TBC1D30: variants seen among roughly 807,000 people sequenced by gnomAD.
TBC1D30 encodes TBC1 domain family member 30, also known as TBC1 domain family, member 30.
TBC1D30 carries 31 observed loss-of-function variants against 63.2 expected under a neutral mutation model. That is an observed-to-expected ratio of 0.49 (90% CI 0.37 to 0.66). The LOEUF (loss-of-function observed/expected upper bound fraction) is 0.66. TBC1D30 is among the 30% of genes least tolerant of loss of function. The pLI, the probability that TBC1D30 is intolerant of heterozygous loss-of-function variation, is 0.00. For synonymous variants in TBC1D30, 307 were observed against 361.5 expected (o/e 0.85, Z 1.71); for missense variants, 810 against 953.6 (o/e 0.85, Z 1.98).
chr12:64,825,344 G>C (rs1874228136), intron 1 of TBC1D30: 1 of 347,846 alleles, frequency 2.9e-6, no homozygotes, highest in Non-Finnish European at 5.2e-6. Flanking sequence ...GCGGGTGGCT[G>C]CCCGGGCCCT....
chr12:64,835,183 G>T (rs966365518), intron 5 of TBC1D30, among the ~76,000 whole-genome samples: 2 of 152,104 alleles, frequency 1.3e-5, no homozygotes, highest in African/African-American at 4.8e-5. Flanking sequence ...ATGATGTTAC[G>T]TGTACCTGGT....
upstream of TBC1D30, among the ~76,000 whole-genome samples, chr12:64,778,549 CTTT>C (rs34519163): frequency 1.3e-5 from 1 of 78,826 alleles, no homozygotes; most frequent in African/African-American, 5.4e-5. Flanking sequence ...ACAGAGAAGC[CTTT>C]TTTTTTTTTT....
chr12:64,860,153 G>A (rs1565683492), intron 8 of TBC1D30, among the ~76,000 whole-genome samples: 1 of 151,762 alleles, frequency 6.6e-6, no homozygotes, highest in Non-Finnish European at 1.5e-5. Context: ...AAGTAACTGA[G>A]TCTACAGGCA....
rs1043879127 is a variant in TBC1D30, at chr12:64,781,072, G to A, written c.264G>A (p.Glu88=). ...CCCTGGTGAGCGGGCTGCTCAACGA[G>A]CTGTACAGCTGCACAGAGGAGGAGG... The change falls in exon 1 of 13, where the codon GAG becomes GAA. Residue 88 remains glutamate, a synonymous_variant. Transcript: ENST00000542120. 4.0e-6 allele frequency: 4 copies of A among 1,012,356 alleles called. No individual in the cohort carries two copies. In the African/African-American group the frequency reaches 7.0e-5, roughly 18 times the overall value. The allele number at this position is 1,012,356 out of a possible 1,614,324, so 62.7% of individuals were successfully genotyped here. A position where few individuals can be genotyped will look rare whatever the true frequency, so the allele number is the denominator to read the frequency against.
chr12:64,780,046 A>G (rs7964429), upstream of TBC1D30, among the ~76,000 whole-genome samples: 6,256 of 152,326 alleles, frequency 0.041, 412 homozygotes, highest in African/African-American at 0.14. Context: ...AACTAGCTCA[A>G]TTAATGTATC....
chr12:64,794,900 G>A (rs1872158900), intron 2 of TBC1D30, among the ~76,000 whole-genome samples: 1 of 152,128 alleles, frequency 6.6e-6, no homozygotes, highest in South Asian at 2.1e-4. Flanking sequence ...TTTCATAGAT[G>A]CAATATATTT....
rs1352200103 is a variant in TBC1D30 at position 64,879,741 on chromosome 12, T to G, written c.*3953T>G. The stretch of plus-strand genomic sequence containing the variant: ...TATTATTAGGTTAAGAAAATTCCCT[T>G]TTATTCTTTGCTTGCTAAGAGTTTT... On this transcript the variant is annotated 3_prime_UTR_variant, in exon 12 of 12. Transcript: ENST00000539867. 6.6e-6 allele frequency: 1 copy of G among 152,192 alleles called. No individual in the cohort carries two copies. The highest frequency in any genetic ancestry group is 2.4e-5 in the African/African-American group (1 of 41,454). 9.4% of individuals were successfully genotyped at this position (152,192 alleles called of 1,614,324 possible).
intron 9 of TBC1D30, among the ~76,000 whole-genome samples, chr12:64,866,541 G>A (rs1287991821): frequency 6.6e-6 from 1 of 151,974 alleles, no homozygotes; most frequent in East Asian, 1.9e-4. Context: ...GGGTTCAAGC[G>A]ATTCTCTAGC....
At chr12:64,814,269 G>A (rs115752185) in intron 2 of TBC1D30, among the ~76,000 whole-genome samples, 4,551 of 152,116 alleles carry the variant, frequency 0.03, 210 homozygotes, top group African/African-American at 0.1. Flanking sequence ...CTGGTCTTAA[G>A]CTCCTGGTCT....
chr12:64,794,363 CCTTTTT>C (rs1289560008), intron 2 of TBC1D30, among the ~76,000 whole-genome samples: 3 of 152,036 alleles, frequency 2.0e-5, no homozygotes, highest in Non-Finnish European at 4.4e-5. Context: ...TTTTCTCCCT[CCTTTTT>C]CTTTTTTCTT....
chr12:64,821,915 A>C (rs1381322185), upstream of TBC1D30, among the ~76,000 whole-genome samples: 1 of 152,368 alleles, frequency 6.6e-6, no homozygotes, highest in East Asian at 1.9e-4. Context: ...CTTTTCAAAG[A>C]GTACTGCCCT....
chr12:64,777,639 T>A (rs949074550), upstream of TBC1D30, among the ~76,000 whole-genome samples: 1 of 152,214 alleles, frequency 6.6e-6, no homozygotes, highest in Non-Finnish European at 1.5e-5. Flanking sequence ...CATTCCATGC[T>A]CATGGATAGG....
chr12:64,777,466 A>G (rs771773419), upstream of TBC1D30, among the ~76,000 whole-genome samples: 1 of 152,228 alleles, frequency 6.6e-6, no homozygotes, highest in Non-Finnish European at 1.5e-5. Context: ...CACCAACAAC[A>G]GTCATGCCAA....
intron 2 of TBC1D30, among the ~76,000 whole-genome samples, chr12:64,788,767 A>G (rs893671369): frequency 1.3e-5 from 2 of 152,272 alleles, no homozygotes; most frequent in South Asian, 4.1e-4. Context: ...TGAGAGTTCA[A>G]TTCTCTCTTT....
At chr12:64,863,498 T>C (rs1826598743) in intron 8 of TBC1D30, among the ~76,000 whole-genome samples, 3 of 152,258 alleles carry the variant, frequency 2.0e-5, no homozygotes, top group African/African-American at 7.2e-5. Context: ...TTAGAGATTA[T>C]GTTTGCAGTC....
chr12:64,846,378 A>G (rs1876379257), intron 8 of TBC1D30, among the ~76,000 whole-genome samples: 1 of 150,422 alleles, frequency 6.6e-6, no homozygotes, highest in African/African-American at 2.5e-5. Flanking sequence ...ATTTTTGTAT[A>G]TGGCAAGAGA....
At chr12:64,835,808 C>T (rs955464900) in intron 5 of TBC1D30, among the ~76,000 whole-genome samples, 1 of 152,018 alleles carries the variant, frequency 6.6e-6, no homozygotes, top group South Asian at 2.1e-4. Context: ...ATACAGAGCT[C>T]GTATGTGTTT....
chr12:64,864,132 C>G (rs1307563245), intron 8 of TBC1D30, among the ~76,000 whole-genome samples: 1 of 151,626 alleles, frequency 6.6e-6, no homozygotes, highest in East Asian at 1.9e-4. Flanking sequence ...TTTAAAAACA[C>G]CACCTAACAA....
exon 2 of TBC1D30, chr12:64,785,886 A>G: frequency 1.6e-6 from 2 of 1,289,358 alleles, no homozygotes; most frequent in South Asian, 2.5e-5. Context: ...GATAGACGCT[A>G]ATGAACTGAA....
Sources: allele counts gnomAD v4.1 joint callset (sites outside exome capture counted in the v4.1 genomes callset), GRCh38; gene constraint gnomAD v4.1.1; transcripts MANE v1.5; gene names NCBI Gene and HGNC (gene_info 2026-07-23, HGNC 2026-07-21).